Variants in CHN2 observed in about 807,000 individuals in gnomAD.
CHN2 encodes the protein chimerin 2, also known as beta-chimaerin.
Under a neutral mutation model 56.3 loss-of-function variants are expected in CHN2, and 35 were observed. The observed-to-expected ratio is 0.62, with a 90% confidence interval of 0.47 to 0.82. CHN2 has a LOEUF of 0.82. Ranked by LOEUF, CHN2 falls within the 40% of genes least tolerant of loss-of-function variation. CHN2 has a pLI of 0.00. For synonymous variants in CHN2, 210 were observed against 212.8 expected, an observed-to-expected ratio of 0.99 and a Z score of 0.12; for missense variants, 491 against 580.5, an observed-to-expected ratio of 0.85 and a Z score of 1.58.
intron 5 of CHN2, 109 bp from the exon 6 acceptor site, chr7:29,400,434 C>T (rs1331730522): frequency 1.8e-6 from 2 of 1,087,016 alleles, no homozygotes; most frequent in African/African-American, 1.6e-5. Flanking sequence ...GTGCTTAGCC[C>T]TGTGCCTGGG....
At chr7:29,168,114 GAA>G (rs1796153978) in intron 2 of CHN2, among the ~76,000 whole-genome samples, 1 of 152,178 alleles carries the variant, frequency 6.6e-6, no homozygotes, top group Non-Finnish European at 1.5e-5. Flanking sequence ...ATAACATACA[GAA>G]TATCTCATTG....
At chr7:29,190,872 A>G (rs111678263), upstream of CHN2, among the ~76,000 whole-genome samples, 133 of 152,006 alleles carry the variant, frequency 8.7e-4, 1 homozygote, top group African/African-American at 3.1e-3. Context: ...CTGAGCACCT[A>G]TTGTATGCAA....
intron 1 of CHN2, among the ~76,000 whole-genome samples, chr7:29,279,258 C>G (rs1442841639): frequency 2.6e-5 from 4 of 152,234 alleles, no homozygotes; most frequent in Non-Finnish European, 4.4e-5. Flanking sequence ...TATGCTCCAA[C>G]CCCCGAAAAA....
At chr7:29,479,667 C>G in intron 6 of CHN2, 1 of 1,036,302 alleles carries the variant, frequency 9.6e-7, no homozygotes. Flanking sequence ...TTGGATGCAG[C>G]CTCAGACTTT....
At chr7:29,492,324 A>G (rs973752230) in intron 7 of CHN2, among the ~76,000 whole-genome samples, 3 of 151,928 alleles carry the variant, frequency 2.0e-5, no homozygotes, top group Non-Finnish European at 4.4e-5. Flanking sequence ...GTATTCTGCA[A>G]TTTCAGTATA....
At chr7:29,408,724 G>A (rs1802893763) in intron 6 of CHN2, among the ~76,000 whole-genome samples, 1 of 152,126 alleles carries the variant, frequency 6.6e-6, no homozygotes, top group Admixed American at 6.5e-5. Context: ...GTCAGCTAGT[G>A]GTTTCTTTGG....
intron 1 of CHN2, among the ~76,000 whole-genome samples, chr7:29,257,702 T>C (rs1190001540): frequency 6.6e-6 from 1 of 152,230 alleles, no homozygotes; most frequent in Admixed American, 6.5e-5. Context: ...TTCCTCCTGC[T>C]ACTCGGCCTG....
At chr7:29,193,252 G>A (rs1339981586), upstream of CHN2, 1 of 151,908 alleles carries the variant, frequency 6.6e-6, no homozygotes, top group African/African-American at 2.4e-5. Flanking sequence ...ATAGTATCCT[G>A]GAGGGATTTT....
intron 3 of CHN2, among the ~76,000 whole-genome samples, chr7:29,380,269 A>G (rs997495904): frequency 7.0e-6 from 1 of 143,048 alleles, no homozygotes; most frequent in Non-Finnish European, 1.5e-5. Context: ...CCTAAAGTGG[A>G]GAAATTTGGT....
At chr7:29,304,506 G>A (rs1793985730) in intron 1 of CHN2, among the ~76,000 whole-genome samples, 1 of 152,188 alleles carries the variant, frequency 6.6e-6, no homozygotes, top group African/African-American at 2.4e-5. Context: ...TGGAACTCTA[G>A]CATTTCATAT....
At chr7:29,240,708 G>A (rs1331285423) in intron 1 of CHN2, among the ~76,000 whole-genome samples, 1 of 152,094 alleles carries the variant, frequency 6.6e-6, no homozygotes, top group Non-Finnish European at 1.5e-5. Context: ...CAAAGATGAG[G>A]GTGGGGGGCG....
At chr7:29,198,238 A>G (rs1348236972) in intron 1 of CHN2, among the ~76,000 whole-genome samples, 1 of 152,234 alleles carries the variant, frequency 6.6e-6, no homozygotes, top group Non-Finnish European at 1.5e-5. Context: ...AACATGGGTT[A>G]TACCTCTCAT....
intron 12 of CHN2, 134 bp from the exon 13 acceptor site, chr7:29,512,430 G>A: frequency 1.4e-6 from 1 of 728,174 alleles, no homozygotes; most frequent in South Asian, 2.8e-5. Context: ...ATACCTTTCT[G>A]CTGTTCTGAT....
chr7:29,417,333 C>CTTTTT (rs5883209), intron 6 of CHN2, among the ~76,000 whole-genome samples: 8 of 121,152 alleles, frequency 6.6e-5, no homozygotes, highest in African/African-American at 2.4e-4. Flanking sequence ...TACTGTAACC[C>CTTTTT]TTTTTTTTTT....
intron 6 of CHN2, among the ~76,000 whole-genome samples, chr7:29,412,320 CTTTTTTT>C (rs1158746299): frequency 3.0e-4 from 21 of 69,498 alleles, no homozygotes; most frequent in African/African-American, 6.8e-4. Context: ...GCTAAAGAGT[CTTTTTTT>C]TTTTTTTTTT....
In CHN2 at chr7:29,196,290, T is replaced by A. The variant is rs529064057; in HGVS notation, c.49+1300T>A. Among the ~76,000 whole-genome samples, 8 of 152,320 alleles carry A rather than the reference T, an allele frequency of 5.3e-5. No individual in the cohort carries two copies. The South Asian group carries it at 6.2e-4, about 12-fold the overall frequency. Reference sequence around the variant, plus strand: ...CTTGGCAGATTTACTTCCTGGGAAATGGCACTTCCTTTCTCGATCACTGCC... The same window carrying A: ...CTTGGCAGATTTACTTCCTGGGAAAAGGCACTTCCTTTCTCGATCACTGCC... On this transcript the variant is annotated intron_variant, in intron 1 of 12. Transcript: ENST00000222792.
At chr7:29,355,199 G>A (rs534531471) in intron 2 of CHN2, among the ~76,000 whole-genome samples, 2 of 151,944 alleles carry the variant, frequency 1.3e-5, no homozygotes, top group Admixed American at 6.6e-5. Flanking sequence ...TCGAACTCCC[G>A]ACCTCAGATG....
intron 6 of CHN2, among the ~76,000 whole-genome samples, chr7:29,433,707 C>T (rs1470571878): frequency 3.9e-5 from 6 of 152,006 alleles, no homozygotes; most frequent in Non-Finnish European, 8.8e-5. Flanking sequence ...GGTGTGGTGG[C>T]ACATGCCTGT....
At chr7:29,457,777 G>A (rs551927069) in intron 6 of CHN2, among the ~76,000 whole-genome samples, 5 of 152,124 alleles carry the variant, frequency 3.3e-5, no homozygotes, top group African/African-American at 9.7e-5. Context: ...GGCAGTGCGC[G>A]CTTCCATTTC....
Sources: gnomAD v4.1 joint callset for allele counts (sites outside exome capture counted in the v4.1 genomes callset) on GRCh38, gnomAD v4.1.1 for gene constraint, MANE v1.5 for transcripts, NCBI Gene and HGNC (gene_info 2026-07-23, HGNC 2026-07-21) for gene names.